TSPAN18: variants seen among roughly 807,000 people sequenced by gnomAD.
The protein encoded by TSPAN18 is tetraspanin-18.
Under a neutral mutation model 27.3 loss-of-function variants are expected in TSPAN18, and 14 were observed. The ratio of observed to expected loss-of-function variants is 0.51; its 90% CI spans 0.34 to 0.80. The LOEUF (loss-of-function observed/expected upper bound fraction) is 0.80. Ranked by LOEUF, TSPAN18 falls within the 30% of genes least tolerant of loss-of-function variation. TSPAN18 has a pLI of 0.01. For synonymous variants in TSPAN18, 143 were observed against 136.5 expected (o/e 1.05, Z -0.33); for missense variants, 268 against 323.9 (o/e 0.83, Z 1.32).
chr11:44,815,393 TGATCAGCCCTTCCTCAGGGGTGGCTG>T (rs1856799796), intron 2 of TSPAN18, among the ~76,000 whole-genome samples: 1 of 152,244 alleles, frequency 6.6e-6, no homozygotes, highest in Non-Finnish European at 1.5e-5. Context: ...GCTCTGCTGC[TGATCAGCCCTTCCTCAGGGGTGGCTG>T]GACTGTGGGC....
chr11:44,757,645 A>G (rs1855362947), intron 1 of TSPAN18, among the ~76,000 whole-genome samples: 1 of 152,146 alleles, frequency 6.6e-6, no homozygotes, highest in Non-Finnish European at 1.5e-5. Flanking sequence ...TCTTCCTCCC[A>G]AAGTGCTAGG....
At chr11:44,876,743 GAT>G (rs1209233772) in intron 3 of TSPAN18, among the ~76,000 whole-genome samples, 45 of 152,202 alleles carry the variant, frequency 3.0e-4, no homozygotes, top group African/African-American at 9.4e-4. Flanking sequence ...TGAAGAATAA[GAT>G]AAAAATCACC....
intron 2 of TSPAN18, among the ~76,000 whole-genome samples, chr11:44,798,120 G>T (rs943200585): frequency 6.6e-6 from 1 of 152,188 alleles, no homozygotes; most frequent in East Asian, 1.9e-4. Flanking sequence ...GTGCTCAGTG[G>T]CTGGCCGTCC....
chr11:44,884,256 A>G (rs891372151), intron 3 of TSPAN18, among the ~76,000 whole-genome samples: 2 of 152,188 alleles, frequency 1.3e-5, no homozygotes, highest in Admixed American at 1.3e-4. Flanking sequence ...GTCATCCATT[A>G]TGGCCCCAGA....
rs76817916 is a variant in TSPAN18 at position 44,764,189 on chromosome 11, G to A, written c.-239-237G>A. 2.0e-4 allele frequency among the ~76,000 whole-genome samples: 31 copies of A among 152,280 alleles called. 1 individual carries two copies. The East Asian group carries it at 6.0e-3, about 29-fold the overall frequency. On this transcript the variant is annotated intron_variant, in intron 1 of 9. Transcript: ENST00000520358. ...TCCATCATCTAATCACCTCCCACCT[G>A]CCTGGATGGAGATCTGAGGCCCCAT...
chr11:44,918,156 C>T, intron 6 of TSPAN18, 110 bp downstream of exon 6: 1 of 1,143,894 alleles, frequency 8.7e-7, no homozygotes, highest in African/African-American at 1.5e-5. Context: ...TGGGCAGCCT[C>T]TCATCTGGCA....
chr11:44,816,146 G>T (rs1275999263), intron 2 of TSPAN18, among the ~76,000 whole-genome samples: 1 of 124,084 alleles, frequency 8.1e-6, no homozygotes, highest in Non-Finnish European at 1.7e-5. Flanking sequence ...CACTTTTATT[G>T]TTAGCGCCAA....
At chr11:44,761,409 T>G (rs973419728) in intron 1 of TSPAN18, among the ~76,000 whole-genome samples, 1 of 152,190 alleles carries the variant, frequency 6.6e-6, no homozygotes, top group African/African-American at 2.4e-5. Context: ...GGGACTGCAA[T>G]GAGATCTCAT....
chr11:44,758,316 G>GTATT (rs2134876486), intron 1 of TSPAN18, among the ~76,000 whole-genome samples: 2 of 152,242 alleles, frequency 1.3e-5, no homozygotes, highest in East Asian at 3.9e-4. Flanking sequence ...TTGTGTGGGG[G>GTATT]TATTTTCCTC....
chr11:44,851,623 C>T lies in TSPAN18; in HGVS notation c.-152-8705C>T, dbSNP rs376890512. Among the ~76,000 whole-genome samples, 743 of 148,596 alleles carry T rather than the reference C, an allele frequency of 5.0e-3. 30 individuals carry two copies. The highest frequency in any genetic ancestry group is 0.017 in the African/African-American group (709 of 40,656). On this transcript the variant is annotated intron_variant, in intron 2 of 9. Coordinates refer to ENST00000520358, the MANE Select transcript of TSPAN18 (RefSeq NM_130783.5). ...CAGGTACTCTTGTCACCTCCCCCCC[C>T]CAACGGCTGGGTCCCTGTCTACCTC...
rs12419217 is a variant in TSPAN18 at position 44,769,440 on chromosome 11, C to T, written c.-153+4928C>T. 5.7e-3 allele frequency among the ~76,000 whole-genome samples: 873 copies of T among 152,286 alleles called. 27 individuals carry two copies. Among genetic ancestry groups the T allele is most frequent in the Admixed American group, 0.045 (683 of 15,298 alleles). On this transcript the variant is annotated intron_variant, in intron 2 of 9. Transcript: ENST00000520358. The stretch of plus-strand genomic sequence containing the variant: ...GAGTTAGGAAGTATTCTCTCCACTT[C>T]TATATTCTGGAAGAGATTATTGAGA...
chr11:44,923,520 C>T (rs1186269768), intron 8 of TSPAN18, among the ~76,000 whole-genome samples: 3 of 151,978 alleles, frequency 2.0e-5, no homozygotes, highest in Non-Finnish European at 2.9e-5. Flanking sequence ...CTCTGGGCTA[C>T]AGCCAGGGCC....
At chr11:44,922,975 G>A (rs1442305230) in intron 8 of TSPAN18, among the ~76,000 whole-genome samples, 1 of 152,172 alleles carries the variant, frequency 6.6e-6, no homozygotes, top group Non-Finnish European at 1.5e-5. Context: ...CTGGCGTGGT[G>A]GCATGTGCCT....
intron 2 of TSPAN18, among the ~76,000 whole-genome samples, chr11:44,854,137 C>T (rs947989694): frequency 2.1e-5 from 3 of 143,594 alleles, no homozygotes; most frequent in Non-Finnish European, 3.0e-5. Context: ...AACATTTATA[C>T]ACATACACAC....
At chr11:44,882,416 A>G (rs919235267) in intron 3 of TSPAN18, among the ~76,000 whole-genome samples, 2 of 152,140 alleles carry the variant, frequency 1.3e-5, no homozygotes, top group Admixed American at 6.5e-5. Flanking sequence ...TGGTTCACAC[A>G]TGCAGAGCCT....
chr11:44,741,518 AAAT>A (rs146729180), intron 1 of TSPAN18, among the ~76,000 whole-genome samples: 3,581 of 151,928 alleles, frequency 0.024, 132 homozygotes, highest in African/African-American at 0.082. Context: ...TTGGAAAAAA[AAAT>A]AATGATGATG....
chr11:44,834,273 G>A (rs1009850470), intron 2 of TSPAN18, among the ~76,000 whole-genome samples: 3 of 152,126 alleles, frequency 2.0e-5, no homozygotes, highest in Admixed American at 2.0e-4. Flanking sequence ...AGACCTGCCA[G>A]TTCCTTTCGG....
intron 2 of TSPAN18, among the ~76,000 whole-genome samples, chr11:44,838,827 C>T (rs1857313665): frequency 6.6e-6 from 1 of 152,184 alleles, no homozygotes; most frequent in Admixed American, 6.5e-5. Context: ...CAAAATAATA[C>T]ATTTGTGTTG....
At chr11:44,751,021 A>G (rs547459605) in intron 1 of TSPAN18, among the ~76,000 whole-genome samples, 4 of 152,258 alleles carry the variant, frequency 2.6e-5, no homozygotes, top group African/African-American at 9.6e-5. Flanking sequence ...GTGGCCAAAG[A>G]GAGAGAGGGA....
Sources: gnomAD v4.1 joint callset for allele counts (sites outside exome capture counted in the v4.1 genomes callset) on GRCh38, gnomAD v4.1.1 for gene constraint, MANE v1.5 for transcripts, NCBI Gene and HGNC (gene_info 2026-07-23, HGNC 2026-07-21) for gene names.